KL: variants seen among roughly 807,000 people sequenced by gnomAD.
KL encodes the protein klotho, also known as alpha-klotho.
In KL, 62 loss-of-function variants were observed where a neutral mutation model predicts 84.2. The observed-to-expected ratio is 0.74, with a 90% confidence interval of 0.60 to 0.91. The LOEUF (loss-of-function observed/expected upper bound fraction) is 0.91. KL is among the 40% of genes least tolerant of loss of function. KL has a pLI of 0.00. For missense variants in KL, 1,261 were observed against 1,305.7 expected, an observed-to-expected ratio of 0.97 and a Z score of 0.53; for synonymous variants, 528 against 528.0, an observed-to-expected ratio of 1.00 and a Z score of 0.00.
intron 1 of KL, among the ~76,000 whole-genome samples, chr13:33,025,717 C>T (rs886918924): frequency 3.3e-5 from 5 of 152,194 alleles, no homozygotes; most frequent in Non-Finnish European, 7.3e-5. Flanking sequence ...TTGTTAGACA[C>T]TGAATTTTGT....
At position 33,016,877 on chromosome 13, in the gene KL, A is replaced by G; in HGVS notation, c.437A>G (p.His146Arg). The change falls in exon 1 of 5, where the codon CAC becomes CGC. Residue 146 changes from histidine (H) to arginine (R), a missense_variant. Transcript: ENST00000380099. ...GCGCTGCGCGAGCTCGGGGTCACTC[A>G]CTACCGCTTCTCCATCTCGTGGGCG... ...TEALRELGVTHYRFSISWARV... is the reference protein window; with the variant it reads ...TEALRELGVTRYRFSISWARV... The G allele has an allele frequency of 6.2e-7, 1 of 1,612,362 alleles. No individual in the cohort carries two copies. The highest frequency in any genetic ancestry group is 8.5e-7 in the Non-Finnish European group (1 of 1,179,728).
At position 33,064,217 on chromosome 13, in the gene KL, A is replaced by T. The variant is rs1469110308; in HGVS notation, c.*31A>T. 3 of 1,492,796 alleles carry T rather than the reference A, an allele frequency of 2.0e-6. No individual in the cohort carries two copies. The highest frequency in any genetic ancestry group is 4.5e-5 in the East Asian group (2 of 44,260). The allele number at this position is 1,492,796 out of a possible 1,614,324, so 92.5% of individuals were successfully genotyped here. A position where few individuals can be genotyped will look rare whatever the true frequency, so the allele number is the denominator to read the frequency against. On this transcript the variant is annotated 3_prime_UTR_variant, in exon 5 of 5. Coordinates refer to ENST00000380099, the MANE Select transcript of KL (RefSeq NM_004795.4). ...AACATTTTTCTATTCATTCATTTTG[A>T]AATAATTATGCAGACACATCAGCTG...
Position 33,063,876 on chromosome 13 carries a change from G to A in KL, c.2729G>A (p.Cys910Tyr), listed in dbSNP as rs1274811159. The A allele has an allele frequency of 1.2e-6, 2 of 1,613,946 alleles. No homozygotes were observed. The highest frequency in any genetic ancestry group is 1.7e-5 in the Admixed American group (1 of 60,004). Residue 910 changes from cysteine (C) to tyrosine (Y), a missense_variant, in exon 5 of 5, where the codon TGC becomes TAC. Cys to Tyr is a radical substitution (Grantham distance 194). Coordinates refer to ENST00000380099, the MANE Select transcript of KL (RefSeq NM_004795.4). ...CACATACTGGATGGTATCAATCTTT[G>A]CGGATACTTTGCTTATTCGTTTAAC... ...KAHILDGINL[C>Y]GYFAYSFNDR...
Position 33,061,108 on chromosome 13 carries a change from C to T in KL, c.2029C>T (p.Leu677Phe). 1 of 1,613,926 alleles carries T rather than the reference C, an allele frequency of 6.2e-7. No homozygotes were observed. The highest frequency in any genetic ancestry group is 8.5e-7 in the Non-Finnish European group (1 of 1,179,842). Residue 677 changes from leucine (L) to phenylalanine (F), a missense_variant, in exon 4 of 5, where the codon CTC (leucine) becomes TTC (phenylalanine). By Grantham distance (22) the Leu-to-Phe change is conservative. Coordinates refer to ENST00000380099, the MANE Select transcript of KL (RefSeq NM_004795.4). The stretch of plus-strand genomic sequence containing the variant: ...GTATGCCCGACTGTGCTTTCAAGAG[C>T]TCGGCCATCACGTCAAGCTTTGGAT... ...AEYARLCFQE[L>F]GHHVKLWITM...
At chr13:33,035,264 A>G (rs1871115270) in intron 1 of KL, among the ~76,000 whole-genome samples, 2 of 152,244 alleles carry the variant, frequency 1.3e-5, no homozygotes, top group African/African-American at 4.8e-5. Context: ...GAGTTATTTC[A>G]AAAGCAAAGA....
At chr13:33,046,219 T>A (rs1244936507) in intron 1 of KL, among the ~76,000 whole-genome samples, 3 of 152,242 alleles carry the variant, frequency 2.0e-5, no homozygotes, top group African/African-American at 7.2e-5. Flanking sequence ...AGAGTCGTGT[T>A]AATTCTTCTT....
In KL at chr13:33,046,816, A is replaced by G. The variant is rs138229153; in HGVS notation, c.820-6951A>G. On this transcript the variant is annotated intron_variant, in intron 1 of 4. Transcript: ENST00000380099. The stretch of plus-strand genomic sequence containing the variant: ...CTGAGCATTGCTTTTGCTGCAATTT[A>G]TAAGTATTGGTATGTTACATATTCA... 1.9e-3 allele frequency among the ~76,000 whole-genome samples: 293 copies of G among 150,892 alleles called. 3 individuals are homozygous for G. Among genetic ancestry groups the G allele is most frequent in the African/African-American group, 6.7e-3 (277 of 41,276 alleles).
Position 33,065,914 on chromosome 13 carries a change from A to G in KL, c.*1728A>G, listed in dbSNP as rs556620337. On this transcript the variant is annotated 3_prime_UTR_variant, in exon 5 of 5. Transcript: ENST00000380099. ...TTTGTCATTATTAGTCTTCAAAAGC[A>G]TGATTTTTAATAGTTGTTGAGTATT... 6 of 176,390 alleles carry G rather than the reference A, an allele frequency of 3.4e-5. No homozygotes were observed. In the South Asian group the frequency reaches 1.2e-3, roughly 35 times the overall value. 10.9% of individuals were successfully genotyped at this position (176,390 alleles called of 1,614,324 possible). A position where few individuals can be genotyped will look rare whatever the true frequency, so the allele number is the denominator to read the frequency against.
In KL at chr13:33,044,123, C is replaced by T. The variant is rs192415014; in HGVS notation, c.820-9644C>T. The stretch of plus-strand genomic sequence containing the variant: ...TGCCACATAATTGCTTTGATGCATT[C>T]GTTAGAAATCAGTTGGCTGTGGGTT... On this transcript the variant is annotated intron_variant, in intron 1 of 4. Transcript: ENST00000380099. 2.8e-4 allele frequency among the ~76,000 whole-genome samples: 43 copies of T among 152,234 alleles called. No individual in the cohort carries two copies. In the East Asian group the frequency reaches 4.0e-3, roughly 14 times the overall value.
intron 1 of KL, among the ~76,000 whole-genome samples, chr13:33,048,378 T>A (rs1237662320): frequency 6.6e-6 from 1 of 152,230 alleles, no homozygotes; most frequent in East Asian, 1.9e-4. Context: ...CTTCCTGAGT[T>A]TCAGCTGGAT....
At chr13:33,036,014 T>G (rs577912) in intron 1 of KL, among the ~76,000 whole-genome samples, 126,394 of 152,130 alleles carry the variant, frequency 0.83, 52,709 homozygotes, top group Middle Eastern at 0.89. Context: ...AAAGTCCAGA[T>G]AAAACAATCT....
intron 1 of KL, among the ~76,000 whole-genome samples, chr13:33,047,927 C>A (rs2516573): frequency 0.67 from 101,014 of 151,774 alleles, 34,089 homozygotes; most frequent in Admixed American, 0.76. Context: ...TAATCCCATT[C>A]AAAAATTTGT....
rs141751859 is a variant in KL at position 33,061,377 on chromosome 13, C to G, written c.2298C>G (p.Gly766=). 923 of 1,614,154 alleles carry G rather than the reference C, an allele frequency of 5.7e-4. 1 individual carries two copies. The highest frequency in any genetic ancestry group is 7.0e-4 in the Non-Finnish European group (831 of 1,180,030). ...GCTGGCTGGCTGAGCCCATTTTCGGCTCTGGAGATTATCCATGGGTGATGA... is the reference window on the plus strand; with the variant it reads ...GCTGGCTGGCTGAGCCCATTTTCGGGTCTGGAGATTATCCATGGGTGATGA... The part of the protein sequence containing the change: ...DIGWLAEPIF[G]SGDYPWVMRD... The change falls in exon 4 of 5, where the codon GGC becomes GGG. Residue 766 remains glycine, a synonymous_variant. Coordinates refer to ENST00000380099, the MANE Select transcript of KL (RefSeq NM_004795.4).
chr13:33,061,554 T>A lies in KL; in HGVS notation c.2475T>A (p.Asn825Lys). 1 of 1,614,168 alleles carries A rather than the reference T, an allele frequency of 6.2e-7. No individual in the cohort carries two copies. Among genetic ancestry groups the A allele is most frequent in the Non-Finnish European group, 8.5e-7 (1 of 1,180,026 alleles). The change falls in exon 4 of 5, where the codon AAT becomes AAA. Residue 825 changes from asparagine to lysine, a missense_variant. Asn to Lys is a moderately conservative substitution (Grantham distance 94). Transcript: ENST00000380099. ...DSEKEDPIKY[N>K]DYLEVQEMTD... ...AAAAAGAAGATCCAATAAAATACAA[T>A]GATTACCTAGAAGTGCAAGAAATGA...
chr13:33,033,006 A>G (rs754795228), intron 1 of KL, among the ~76,000 whole-genome samples: 1 of 152,102 alleles, frequency 6.6e-6, no homozygotes, highest in Non-Finnish European at 1.5e-5. Flanking sequence ...TAATTATTCT[A>G]TGTACCTATG....
intron 1 of KL, among the ~76,000 whole-genome samples, chr13:33,029,171 T>C (rs1022558697): frequency 6.6e-6 from 1 of 152,252 alleles, no homozygotes; most frequent in African/African-American, 2.4e-5. Flanking sequence ...ATAGCACATA[T>C]TTATAGCATT....
At chr13:33,053,646 T>G in intron 1 of KL, 121 bp from the exon 2 acceptor site, 1 of 940,312 alleles carries the variant, frequency 1.1e-6, no homozygotes, top group Non-Finnish European at 1.7e-6. Flanking sequence ...GATTTTTATA[T>G]TGTTAGTCAT....
chr13:33,053,491 T>C (rs1179365502), intron 1 of KL, among the ~76,000 whole-genome samples: 1 of 152,232 alleles, frequency 6.6e-6, no homozygotes, highest in East Asian at 1.9e-4. Flanking sequence ...TTTCATTAGC[T>C]TTTCAAAATG....
chr13:33,050,373 C>T (rs1385327143), intron 1 of KL, among the ~76,000 whole-genome samples: 2 of 152,150 alleles, frequency 1.3e-5, no homozygotes, highest in South Asian at 4.1e-4. Flanking sequence ...AGCGACCTTC[C>T]CACACTCTGC....
Sources: allele counts gnomAD v4.1 joint callset (sites outside exome capture counted in the v4.1 genomes callset), GRCh38; gene constraint gnomAD v4.1.1; transcripts MANE v1.5; gene names NCBI Gene and HGNC (gene_info 2026-07-23, HGNC 2026-07-21).